The following SMTN variants were observed in gnomAD, a reference collection of about 807,000 sequenced individuals.
The protein encoded by SMTN is smoothelin.
SMTN carries 58 observed loss-of-function variants against 102.0 expected under a neutral mutation model. The ratio of observed to expected loss-of-function variants is 0.57; its 90% CI spans 0.46 to 0.71. SMTN has a LOEUF of 0.71. SMTN is among the 30% of genes least tolerant of loss of function. The probability of loss-of-function intolerance (pLI) is 0.00; values close to 1 mark genes in which losing one functional copy is unlikely to be tolerated. For missense variants in SMTN, 1,185 were observed against 1,241.7 expected (o/e 0.95, Z 0.69); for synonymous variants, 478 against 497.9 (o/e 0.96, Z 0.53).
At position 31,088,126 on chromosome 22, in the gene SMTN, G is replaced by T. The variant is rs1445664362; in HGVS notation, c.200+13G>T. Reference sequence around the variant, plus strand: ...AGAACTGGCTGCAGTGAGTAGCGGGGGGTGGAACATGCGGGTGAGAAGGTG... The same window carrying T: ...AGAACTGGCTGCAGTGAGTAGCGGGTGGTGGAACATGCGGGTGAGAAGGTG... On this transcript the variant is annotated intron_variant, in intron 3 of 20. Coordinates refer to ENST00000333137, the MANE Select transcript of SMTN (RefSeq NM_134269.3). 9 of 1,583,450 alleles carry T rather than the reference G, an allele frequency of 5.7e-6. No homozygotes were observed. The Admixed American group carries it at 1.2e-4, about 21-fold the overall frequency.
intron 1 of SMTN, chr22:31,066,372 G>C (rs956400834): frequency 6.6e-6 from 1 of 151,294 alleles, no homozygotes; most frequent in Non-Finnish European, 1.5e-5. Context: ...ACAGTTGCAC[G>C]ATCTTGGCTC....
Position 31,104,365 on chromosome 22 carries a change from ATG to A in SMTN, c.*71_*72del. 6.2e-7 allele frequency: 1 copy of A among 1,614,148 alleles called. No individual in the cohort carries two copies. The highest frequency in any genetic ancestry group is 8.5e-7 in the Non-Finnish European group (1 of 1,180,016). Reference sequence around the variant, plus strand: ...GGTGGAGGTGGACGACATGATGATCATGGGCAAGAAGCCTGACCCCAAGTGTG... The same window carrying A: ...GGTGGAGGTGGACGACATGATGATCAGGCAAGAAGCCTGACCCCAAGTGTG... On this transcript the variant is annotated 3_prime_UTR_variant, in exon 21 of 21. Transcript: ENST00000333137.
chr22:31,099,511 T>C (rs1399074918), intron 18 of SMTN: 1 of 591,546 alleles, frequency 1.7e-6, no homozygotes, highest in Non-Finnish European at 3.0e-6. Context: ...GGCATGACCA[T>C]AGCCTTAGCT....
intron 11 of SMTN, among the ~76,000 whole-genome samples, chr22:31,092,931 T>G (rs1434057742): frequency 6.6e-6 from 1 of 152,218 alleles, no homozygotes; most frequent in Non-Finnish European, 1.5e-5. Flanking sequence ...TCACTCAAAG[T>G]CCTGCCTCCC....
chr22:31,074,808 AAACAACAAC>A (rs990112172), intron 1 of SMTN, among the ~76,000 whole-genome samples: 1 of 97,002 alleles, frequency 1.0e-5, no homozygotes, highest in African/African-American at 5.9e-5. Flanking sequence ...AAAACAACAA[AAACAACAAC>A]AACAACAACA....
chr22:31,082,922 T>A, intron 1 of SMTN: 1 of 1,540,352 alleles, frequency 6.5e-7, no homozygotes, highest in South Asian at 1.2e-5. Context: ...TTAGACAGGA[T>A]GAGAGTCCAT....
intron 11 of SMTN, chr22:31,092,344 G>A (rs778333150): frequency 9.2e-6 from 4 of 435,256 alleles, no homozygotes; most frequent in African/African-American, 4.0e-5. Flanking sequence ...CCCTGTGGGG[G>A]TTGGGCAGAA....
Position 31,087,947 on chromosome 22 carries a change from C to G in SMTN, c.52-18C>G. On this transcript the variant is annotated intron_variant, in intron 2 of 20. Coordinates refer to ENST00000333137, the MANE Select transcript of SMTN (RefSeq NM_134269.3). ...GCCCCTGGCAGCCAAAATGACCTGC[C>G]TCTCGCACCCACTGCAGCTGGAGGT... The G allele has an allele frequency of 6.4e-7, 1 of 1,570,370 alleles. No homozygotes were observed. Among genetic ancestry groups the G allele is most frequent in the Non-Finnish European group, 8.7e-7 (1 of 1,153,676 alleles).
In SMTN at chr22:31,083,220, C is replaced by G. The variant is rs1177972296; in HGVS notation, c.-39C>G. ...GACAGGTGCCACAGGCACTGGGGAT[C>G]TCACCAGAAAGGAACCGACGGAGCT... is the stretch of plus-strand genomic sequence containing the variant. On this transcript the variant is annotated 5_prime_UTR_variant, in exon 2 of 21. The change creates a new upstream start codon in the 5' untranslated region. Transcript: ENST00000333137. 3 of 1,593,330 alleles carry G rather than the reference C, an allele frequency of 1.9e-6. No individual in the cohort carries two copies. Among genetic ancestry groups the G allele is most frequent in the Non-Finnish European group, 1.7e-6 (2 of 1,172,200 alleles).
intron 2 of SMTN, chr22:31,085,311 C>G: frequency 6.7e-7 from 1 of 1,486,850 alleles, no homozygotes; most frequent in Non-Finnish European, 9.0e-7. Context: ...GCGAGGGCGG[C>G]GCCCTGCGAG....
chr22:31,085,018 G>A (rs559429615), intron 2 of SMTN: 12 of 1,496,532 alleles, frequency 8.0e-6, no homozygotes, highest in East Asian at 7.7e-5. Flanking sequence ...ATTTGGGGAC[G>A]CGGGCAGTCG....
At chr22:31,073,600 A>G (rs1475734605) in intron 1 of SMTN, among the ~76,000 whole-genome samples, 1 of 152,182 alleles carries the variant, frequency 6.6e-6, no homozygotes, top group African/African-American at 2.4e-5. Flanking sequence ...GAGAGCCCCA[A>G]CCTGTATCAG....
Position 31,104,364 on chromosome 22 carries a change from C to A in SMTN, c.*69C>A. Reference sequence around the variant, plus strand: ...TGGTGGAGGTGGACGACATGATGATCATGGGCAAGAAGCCTGACCCCAAGT... The same window carrying A: ...TGGTGGAGGTGGACGACATGATGATAATGGGCAAGAAGCCTGACCCCAAGT... On this transcript the variant is annotated 3_prime_UTR_variant, in exon 21 of 21. Transcript: ENST00000333137. 1 of 1,614,198 alleles carries A rather than the reference C, an allele frequency of 6.2e-7. No homozygotes were observed. Among genetic ancestry groups the A allele is most frequent in the Non-Finnish European group, 8.5e-7 (1 of 1,180,026 alleles).
chr22:31,082,569 T>A, intron 1 of SMTN: 1 of 517,626 alleles, frequency 1.9e-6, no homozygotes, highest in Non-Finnish European at 3.9e-6. Flanking sequence ...CCCTTCCAGG[T>A]GGGGAATTGA....
At position 31,091,776 on chromosome 22, in the gene SMTN, C is replaced by T; in HGVS notation, c.1561C>T (p.Leu521=). 1.2e-6 allele frequency: 2 copies of T among 1,610,384 alleles called. No homozygotes were observed. ...RVNSPGTLAR[L]GSVTHVTSFS... ...CAACAGCCCTGGGACCCTGGCTCGG[C>T]TGGGCAGTGTCACTCATGTCACCAG... is the stretch of plus-strand genomic sequence containing the variant. The change falls in exon 11 of 21, where the codon CTG becomes TTG. Residue 521 remains leucine, a synonymous_variant. Coordinates refer to ENST00000333137, the MANE Select transcript of SMTN (RefSeq NM_134269.3).
At chr22:31,096,187 AC>A (rs2043567583) in intron 13 of SMTN, 1 of 165,074 alleles carries the variant, frequency 6.1e-6, no homozygotes, top group Non-Finnish European at 1.3e-5. Context: ...CTCTATCTCT[AC>A]CCACCTACTT....
At chr22:31,065,249 C>G (rs1161484798) in intron 1 of SMTN, 2 of 152,064 alleles carry the variant, frequency 1.3e-5, no homozygotes, top group Non-Finnish European at 2.9e-5. Context: ...CTGGGTTTCT[C>G]TTTTATAATT....
intron 10 of SMTN, 40 bp downstream of exon 10, chr22:31,091,522 C>T: frequency 6.6e-7 from 1 of 1,514,930 alleles, no homozygotes; most frequent in Non-Finnish European, 8.8e-7. Context: ...GGATGAGTGC[C>T]TGCAACCGCA....
Position 31,098,695 on chromosome 22 carries a change from C to T in SMTN, c.2188C>T (p.Pro730Ser). The T allele has an allele frequency of 6.2e-7, 1 of 1,613,548 alleles. No individual in the cohort carries two copies. The highest frequency in any genetic ancestry group is 1.1e-5 in the South Asian group (1 of 91,070). The change falls in exon 17 of 21, where the codon CCA becomes TCA. Residue 730 changes from proline (P) to serine (S), a missense_variant. By Grantham distance (74) the Pro-to-Ser change is moderately conservative. Around this residue, in one of 2 missense-constraint regions of SMTN, gnomAD observed 1,096 missense variants for 1,112.7 expected, o/e 0.98. Transcript: ENST00000333137. The stretch of plus-strand genomic sequence containing the variant: ...CTTCGACCGCGAGGACCAGGCCAGC[C>T]CACGGGCCGGCAGCCTGGCGGCGCT... ...SIFDREDQAS[P>S]RAGSLAALEK...
Sources: allele counts gnomAD v4.1 joint callset (sites outside exome capture counted in the v4.1 genomes callset), GRCh38; gene constraint gnomAD v4.1.1; regional missense constraint gnomAD v4.1.1; transcripts MANE v1.5; gene names NCBI Gene and HGNC (gene_info 2026-07-23, HGNC 2026-07-21).